Variants in KBTBD13 observed in about 807,000 individuals in gnomAD.
KBTBD13 encodes the protein kelch repeat and BTB domain-containing protein 13.
Under a neutral mutation model 25.4 loss-of-function variants are expected in KBTBD13, and 32 were observed. The observed-to-expected ratio is 1.26, with a 90% CI of 0.95 to 1.69. The LOEUF (loss-of-function observed/expected upper bound fraction) is 1.69. Among genes scored for constraint, KBTBD13 ranks in the 40% most tolerant of loss-of-function variants. The probability of loss-of-function intolerance (pLI) is 0.00; values close to 1 mark genes in which losing one functional copy is unlikely to be tolerated. For missense variants in KBTBD13, 898 were observed against 679.5 expected (o/e 1.32, Z -3.57); for synonymous variants, 436 against 329.8 (o/e 1.32, Z -3.49).
Position 65,076,782 on chromosome 15 carries a change from G to A in KBTBD13, c.-34G>A. On this transcript the variant is annotated 5_prime_UTR_variant, in exon 1 of 1. Coordinates refer to ENST00000432196, the MANE Select transcript of KBTBD13 (RefSeq NM_001101362.3). ...AGAGTTGGTGGCTGGCTAACCCAAGGCCCCAGCGGCAGCCTCCGCCCGGCC... is the reference window on the plus strand; with the variant it reads ...AGAGTTGGTGGCTGGCTAACCCAAGACCCCAGCGGCAGCCTCCGCCCGGCC... The A allele has an allele frequency of 3.4e-6, 5 of 1,487,266 alleles. No individual in the cohort carries two copies. Among genetic ancestry groups the A allele is most frequent in the Non-Finnish European group, 3.6e-6 (4 of 1,119,272 alleles). The allele number at this position is 1,487,266 out of a possible 1,614,324, so 92.1% of individuals were successfully genotyped here.
rs1307686029 is a variant in KBTBD13, at chr15:65,076,760, G to A, written c.-56G>A. 2.7e-6 allele frequency: 4 copies of A among 1,457,090 alleles called. No individual in the cohort carries two copies. Among genetic ancestry groups the A allele is most frequent in the South Asian group, 2.7e-5 (2 of 72,974 alleles). 90.3% of individuals were successfully genotyped at this position (1,457,090 alleles called of 1,614,324 possible). On this transcript the variant is annotated 5_prime_UTR_variant, in exon 1 of 1. Transcript: ENST00000432196. ...TTTTTTGCTCCAGGGGAGCCCCAGA[G>A]TTGGTGGCTGGCTAACCCAAGGCCC...
chr15:65,078,807 AAG>A lies in KBTBD13; in HGVS notation c.*620_*621del, dbSNP rs1201927372. 1.3e-5 allele frequency among the ~76,000 whole-genome samples: 2 copies of A among 152,230 alleles called. No individual in the cohort carries two copies. The highest frequency in any genetic ancestry group is 2.9e-5 in the Non-Finnish European group (2 of 68,040). On this transcript the variant is annotated 3_prime_UTR_variant, in exon 1 of 1. Transcript: ENST00000432196. ...GAAAAAATATATAACTCCAGAAAAG[AAG>A]AGAGTGTGCAAACTCTATGGAGGAG...
In KBTBD13 at chr15:65,077,633, G is replaced by A; in HGVS notation, c.818G>A (p.Ser273Asn). Residue 273 changes from serine (S) to asparagine (N), a missense_variant, in exon 1 of 1, where the codon AGC becomes AAC. Ser to Asn is a conservative substitution (Grantham distance 46, BLOSUM62 1). Transcript: ENST00000432196. Reference protein sequence around the residue: ...IGGEFQRTPISSVERYDPAAG... With the variant: ...IGGEFQRTPINSVERYDPAAG... ...GGCGAATTCCAGAGGACGCCCATCA[G>A]CTCCGTGGAGCGCTACGACCCAGCC... is the stretch of plus-strand genomic sequence containing the variant. The A allele has an allele frequency of 6.3e-7, 1 of 1,590,410 alleles. No individual in the cohort carries two copies. Among genetic ancestry groups the A allele is most frequent in the African/African-American group, 1.3e-5 (1 of 74,618 alleles).
At position 65,077,477 on chromosome 15, in the gene KBTBD13, G is replaced by C; in HGVS notation, c.662G>C (p.Ser221Thr). ...ATCGTGGGGGGCGTGCGCGGCGCCAGCAAGGAGGTGGTAGAGCTGGGCTTC... is the reference window on the plus strand; with the variant it reads ...ATCGTGGGGGGCGTGCGCGGCGCCACCAAGGAGGTGGTAGAGCTGGGCTTC... ...LYIVGGVRGA[S>T]KEVVELGFCY... Residue 221 changes from serine (S) to threonine (T), a missense_variant, in exon 1 of 1, where the codon AGC becomes ACC. Ser to Thr is a moderately conservative substitution (Grantham distance 58). Transcript: ENST00000432196. 2.0e-6 allele frequency: 3 copies of C among 1,523,330 alleles called. No individual in the cohort carries two copies. Among genetic ancestry groups the C allele is most frequent in the Non-Finnish European group, 2.6e-6 (3 of 1,138,218 alleles). 94.4% of individuals were successfully genotyped at this position (1,523,330 alleles called of 1,614,324 possible). A position where few individuals can be genotyped will look rare whatever the true frequency, so the allele number is the denominator to read the frequency against.
At position 65,077,184 on chromosome 15, in the gene KBTBD13, C is replaced by T. The variant is rs1197599759; in HGVS notation, c.369C>T (p.His123=). ...AAAFGLRDVF[H]SAALFICDGE... is the part of the protein sequence containing the mutation. ...CCTTCGGCCTGCGCGACGTGTTCCA[C>T]AGTGCCGCGCTCTTCATCTGCGACG... Residue 123 remains histidine (H), a synonymous_variant, in exon 1 of 1, where the codon CAC becomes CAT. Coordinates refer to ENST00000432196, the MANE Select transcript of KBTBD13 (RefSeq NM_001101362.3). The T allele has an allele frequency of 4.1e-6, 6 of 1,480,736 alleles. No individual in the cohort carries two copies. Among genetic ancestry groups the T allele is most frequent in the Non-Finnish European group, 5.4e-6 (6 of 1,118,452 alleles). 91.7% of individuals were successfully genotyped at this position (1,480,736 alleles called of 1,614,324 possible).
chr15:65,076,909 T>C lies in KBTBD13; in HGVS notation c.94T>C (p.Phe32Leu), dbSNP rs937332654. The C allele has an allele frequency of 3.8e-6, 6 of 1,563,350 alleles. No homozygotes were observed. The highest frequency in any genetic ancestry group is 5.2e-6 in the Non-Finnish European group (6 of 1,162,192). ...RALLVEHCGF[F>L]RGLFRSGMRE... ...CCTGCTGGTGGAGCACTGTGGCTTC[T>C]TCCGAGGCCTCTTCCGCTCCGGCAT... Residue 32 changes from phenylalanine to leucine, a missense_variant, in exon 1 of 1, where the codon TTC (phenylalanine) becomes CTC (leucine). Transcript: ENST00000432196.
Position 65,077,762 on chromosome 15 carries a change from A to C in KBTBD13, c.947A>C (p.Asp316Ala), listed in dbSNP as rs1021462149. 2.5e-5 allele frequency: 40 copies of C among 1,577,602 alleles called. No homozygotes were observed. The Middle Eastern group carries it at 6.9e-4, about 27-fold the overall frequency. The change falls in exon 1 of 1, where the codon GAC becomes GCC. Residue 316 changes from aspartate to alanine, a missense_variant. Transcript: ENST00000432196. ...RLFVCLWRPA[D>A]TTAVVEYAVR... Reference sequence around the variant, plus strand: ...TTCGTGTGCCTGTGGCGGCCGGCCGACACCACCGCCGTGGTGGAGTACGCA... The same window carrying C: ...TTCGTGTGCCTGTGGCGGCCGGCCGCCACCACCGCCGTGGTGGAGTACGCA...
chr15:65,077,691 G>A lies in KBTBD13; in HGVS notation c.876G>A (p.Pro292=), dbSNP rs543905658. ...AGCWSFVADL[P]QPAAGVPCAQ... ...GCTGGAGTTTCGTGGCCGACCTGCC[G>A]CAGCCGGCCGCCGGCGTGCCCTGCG... Residue 292 remains proline, a synonymous_variant, in exon 1 of 1, where the codon CCG becomes CCA. Transcript: ENST00000432196. 25 of 1,577,454 alleles carry A rather than the reference G, an allele frequency of 1.6e-5. No homozygotes were observed. The highest frequency in any genetic ancestry group is 2.3e-5 in the East Asian group (1 of 43,914).
chr15:65,077,698 G>T lies in KBTBD13; in HGVS notation c.883G>T (p.Ala295Ser). ...TTTCGTGGCCGACCTGCCGCAGCCG[G>T]CCGCCGGCGTGCCCTGCGCCCAGGC... Reference protein sequence around the residue: ...WSFVADLPQPAAGVPCAQACG... With the variant: ...WSFVADLPQPSAGVPCAQACG... The change falls in exon 1 of 1, where the codon GCC becomes TCC. Residue 295 changes from alanine to serine, a missense_variant. Ala to Ser is a moderately conservative substitution (Grantham distance 99). Coordinates refer to ENST00000432196, the MANE Select transcript of KBTBD13 (RefSeq NM_001101362.3). 6.3e-7 allele frequency: 1 copy of T among 1,577,858 alleles called. No homozygotes were observed.
rs1300844069 is a variant in KBTBD13 at position 65,076,991 on chromosome 15, G to A, written c.176G>A (p.Arg59His). 3.3e-6 allele frequency: 5 copies of A among 1,534,040 alleles called. No homozygotes were observed. Among genetic ancestry groups the A allele is most frequent in the Non-Finnish European group, 4.4e-6 (5 of 1,145,948 alleles). Residue 59 changes from arginine to histidine, a missense_variant, in exon 1 of 1, where the codon CGC becomes CAC. Coordinates refer to ENST00000432196, the MANE Select transcript of KBTBD13 (RefSeq NM_001101362.3). ...GGCGTTCTGAGCGCGGGAGGTTTCC[G>A]CGCCACGCTGCAGGTGCTGCGCGGC... The part of the protein sequence containing the change: ...RLGVLSAGGF[R>H]ATLQVLRGDR...
chr15:65,078,196 C>T lies in KBTBD13; in HGVS notation c.*4C>T. 1 of 1,536,760 alleles carries T rather than the reference C, an allele frequency of 6.5e-7. No homozygotes were observed. Among genetic ancestry groups the T allele is most frequent in the African/African-American group, 1.4e-5 (1 of 73,186 alleles). On this transcript the variant is annotated 3_prime_UTR_variant, in exon 1 of 1. Transcript: ENST00000432196. The stretch of plus-strand genomic sequence containing the variant: ...TTCGACAACGGCAGAACTGTGACCT[C>T]TGGGCTGGCTTTAGGAGGGAGGAGA...
At position 65,077,764 on chromosome 15, in the gene KBTBD13, A is replaced by T. The variant is rs1346069371; in HGVS notation, c.949A>T (p.Thr317Ser). The T allele has an allele frequency of 1.3e-6, 2 of 1,578,000 alleles. No homozygotes were observed. The highest frequency in any genetic ancestry group is 1.7e-6 in the Non-Finnish European group (2 of 1,168,246). The change falls in exon 1 of 1, where the codon ACC becomes TCC. Residue 317 changes from threonine to serine, a missense_variant. By Grantham distance (58) the Thr-to-Ser change is moderately conservative. Coordinates refer to ENST00000432196, the MANE Select transcript of KBTBD13 (RefSeq NM_001101362.3). ...CGTGTGCCTGTGGCGGCCGGCCGAC[A>T]CCACCGCCGTGGTGGAGTACGCAGT... ...LFVCLWRPAD[T>S]TAVVEYAVRT...
In KBTBD13 at chr15:65,079,596, C is replaced by T. The variant is rs1229023629; in HGVS notation, c.*1404C>T. Among the ~76,000 whole-genome samples the T allele has an allele frequency of 1.3e-5, 2 of 152,228 alleles. No individual in the cohort carries two copies. The highest frequency in any genetic ancestry group is 4.8e-5 in the African/African-American group (2 of 41,448). On this transcript the variant is annotated 3_prime_UTR_variant, in exon 1 of 1. Transcript: ENST00000432196. ...ACCTCTGTTGTTGGATGAGGACTCT[C>T]GTTCCTTCATCAAAATCCCCAGCTC...
In KBTBD13 at chr15:65,077,677, G is replaced by A; in HGVS notation, c.862G>A (p.Val288Met). 6 of 1,582,586 alleles carry A rather than the reference G, an allele frequency of 3.8e-6. No individual in the cohort carries two copies. The highest frequency in any genetic ancestry group is 4.3e-6 in the Non-Finnish European group (5 of 1,169,660). The change falls in exon 1 of 1, where the codon GTG becomes ATG. Residue 288 changes from valine (V) to methionine (M), a missense_variant. Val to Met is a conservative substitution (Grantham distance 21, BLOSUM62 1). Coordinates refer to ENST00000432196, the MANE Select transcript of KBTBD13 (RefSeq NM_001101362.3). ...CCCAGCCGCGGGCTGCTGGAGTTTC[G>A]TGGCCGACCTGCCGCAGCCGGCCGC... ...YDPAAGCWSF[V>M]ADLPQPAAGV...
rs1196566529 is a variant in KBTBD13, at chr15:65,079,086, T to C, written c.*894T>C. On this transcript the variant is annotated 3_prime_UTR_variant, in exon 1 of 1. Transcript: ENST00000432196. ...CGAGAGGATTCTTCACGTTCCTTTT[T>C]GGAACCCTTAGGGGAGCACCCAGGT... 6.6e-6 allele frequency among the ~76,000 whole-genome samples: 1 copy of C among 152,188 alleles called. No individual in the cohort carries two copies. Among genetic ancestry groups the C allele is most frequent in the African/African-American group, 2.4e-5 (1 of 41,434 alleles).
In KBTBD13 at chr15:65,079,249, GGTTT is replaced by G. The variant is rs1010189003; in HGVS notation, c.*1061_*1064del. ...TGTAGCCCCTCCTCCACATTCTACA[GGTTT>G]GTTCTCTTCCTGTCCTATTCTGCCC... is the stretch of plus-strand genomic sequence containing the variant. On this transcript the variant is annotated 3_prime_UTR_variant, in exon 1 of 1. Transcript: ENST00000432196. Among the ~76,000 whole-genome samples the G allele has an allele frequency of 1.3e-5, 2 of 152,156 alleles. No homozygotes were observed. The highest frequency in any genetic ancestry group is 4.8e-5 in the African/African-American group (2 of 41,426).
rs1281925853 is a variant in KBTBD13, at chr15:65,079,125, C to T, written c.*933C>T. On this transcript the variant is annotated 3_prime_UTR_variant, in exon 1 of 1. Transcript: ENST00000432196. Reference sequence around the variant, plus strand: ...GAGCACCCAGGTGTAAGCCCTTGCCCACCCTGTTTTTGCCATCACCACGGG... The same window carrying T: ...GAGCACCCAGGTGTAAGCCCTTGCCTACCCTGTTTTTGCCATCACCACGGG... Among the ~76,000 whole-genome samples the T allele has an allele frequency of 2.0e-5, 3 of 152,336 alleles. No individual in the cohort carries two copies. Among genetic ancestry groups the T allele is most frequent in the East Asian group, 3.9e-4 (2 of 5,190 alleles).
At position 65,078,329 on chromosome 15, in the gene KBTBD13, G is replaced by A; in HGVS notation, c.*137G>A. On this transcript the variant is annotated 3_prime_UTR_variant, in exon 1 of 1. Transcript: ENST00000432196. ...ACACCCAGGTTTGGTGCCTTCTGGT[G>A]GTGTGGACATGTTCAAGAAGCTCAG... The A allele has an allele frequency of 8.0e-7, 1 of 1,254,446 alleles. No individual in the cohort carries two copies. The highest frequency in any genetic ancestry group is 1.1e-6 in the Non-Finnish European group (1 of 930,350). The allele number at this position is 1,254,446 out of a possible 1,614,324, so 77.7% of individuals were successfully genotyped here.
rs771685388 is a variant in KBTBD13 at position 65,077,720 on chromosome 15, A to G, written c.905A>G (p.Gln302Arg). Residue 302 changes from glutamine to arginine, a missense_variant, in exon 1 of 1, where the codon CAG (glutamine) becomes CGG (arginine). By Grantham distance (43) the Gln-to-Arg change is conservative. Coordinates refer to ENST00000432196, the MANE Select transcript of KBTBD13 (RefSeq NM_001101362.3). Reference sequence around the variant, plus strand: ...CCGGCCGCCGGCGTGCCCTGCGCCCAGGCTTGTGGCCGTCTCTTCGTGTGC... The same window carrying G: ...CCGGCCGCCGGCGTGCCCTGCGCCCGGGCTTGTGGCCGTCTCTTCGTGTGC... The part of the protein sequence containing the change: ...PQPAAGVPCA[Q>R]ACGRLFVCLW... The G allele has an allele frequency of 5.0e-6, 8 of 1,585,512 alleles. No individual in the cohort carries two copies. The highest frequency in any genetic ancestry group is 4.5e-5 in the South Asian group (4 of 89,212).
Sources: allele counts gnomAD v4.1 joint callset (sites outside exome capture counted in the v4.1 genomes callset), GRCh38; gene constraint gnomAD v4.1.1; transcripts MANE v1.5; gene names NCBI Gene and HGNC (gene_info 2026-07-23, HGNC 2026-07-21).